PTPRD: variants seen among roughly 807,000 people sequenced by gnomAD.
The protein encoded by PTPRD is receptor-type tyrosine-protein phosphatase delta.
In PTPRD, 34 loss-of-function variants were observed where a neutral mutation model predicts 214.5. The observed-to-expected ratio is 0.16, with a 90% CI of 0.12 to 0.21. The LOEUF is 0.21. PTPRD is among the 10% of genes least tolerant of loss of function. The probability of loss-of-function intolerance (pLI) is 1.00; values close to 1 mark genes in which losing one functional copy is unlikely to be tolerated. For missense variants in PTPRD, 2,545 were observed against 2,398.7 expected (o/e 1.06, Z -1.27); for synonymous variants, 1,128 against 845.7 (o/e 1.33, Z -5.79).
In PTPRD at chr9:10,419,278, T is replaced by C. The variant is rs776231477; in HGVS notation, c.-599-78261A>G. 2.8e-4 allele frequency among the ~76,000 whole-genome samples: 42 copies of C among 152,034 alleles called. No homozygotes were observed. In the Middle Eastern group the frequency reaches 0.01, roughly 37 times the overall value. On this transcript the variant is annotated intron_variant, in intron 2 of 45. Coordinates refer to ENST00000381196, the MANE Select transcript of PTPRD (RefSeq NM_002839.4). Reference sequence around the variant, plus strand: ...ATGTGTCTTTTAAGCTTTCTGCTAGTTTCATTTCCGTAACACTGGACTCTA... The same window carrying C: ...ATGTGTCTTTTAAGCTTTCTGCTAGCTTCATTTCCGTAACACTGGACTCTA...
chr9:8,486,482 T>A (rs13292865), intron 27 of PTPRD, 133 bp from the exon 28 acceptor site: 1 of 815,890 alleles, frequency 1.2e-6, no homozygotes, highest in Non-Finnish European at 2.1e-6. Flanking sequence ...AAACAGGCAA[T>A]GTTTGACCTA....
chr9:8,564,569 G>C (rs1184652125), intron 14 of PTPRD, among the ~76,000 whole-genome samples: 9 of 152,138 alleles, frequency 5.9e-5, no homozygotes, highest in African/African-American at 2.2e-4. Context: ...AGATGTGGTA[G>C]TGCGTGCCTG....
intron 14 of PTPRD, among the ~76,000 whole-genome samples, chr9:8,544,322 T>A (rs1414829531): frequency 6.6e-6 from 1 of 151,414 alleles, no homozygotes; most frequent in African/African-American, 2.4e-5. Flanking sequence ...CCCTCAGTAA[T>A]CCGCCTGTAT....
intron 5 of PTPRD, among the ~76,000 whole-genome samples, chr9:9,889,088 G>A (rs1601037638): frequency 6.6e-6 from 1 of 152,126 alleles, no homozygotes; most frequent in Admixed American, 6.6e-5. Context: ...TAAGTAGAGA[G>A]TAGAATGATG....
chr9:9,931,367 G>A (rs570355776), intron 5 of PTPRD, among the ~76,000 whole-genome samples: 26 of 152,276 alleles, frequency 1.7e-4, no homozygotes, highest in South Asian at 8.3e-4. Context: ...CAGTGGGTGC[G>A]TGCACCGTGC....
chr9:8,328,496 G>C (rs189556424), intron 44 of PTPRD, among the ~76,000 whole-genome samples: 132 of 152,206 alleles, frequency 8.7e-4, no homozygotes, highest in African/African-American at 3.1e-3. Flanking sequence ...TTCATTGTGT[G>C]TCTTGGGGTT....
intron 30 of PTPRD, among the ~76,000 whole-genome samples, chr9:8,480,197 C>T (rs746922153): frequency 6.6e-6 from 1 of 152,108 alleles, no homozygotes; most frequent in Non-Finnish European, 1.5e-5. Context: ...TACAACGTGG[C>T]CAAACAACAA....
At chr9:10,126,286 C>T (rs1243816381) in intron 3 of PTPRD, among the ~76,000 whole-genome samples, 1 of 151,978 alleles carries the variant, frequency 6.6e-6, no homozygotes, top group African/African-American at 2.4e-5. Context: ...CGTATTGTAC[C>T]AGTTATAATT....
intron 2 of PTPRD, among the ~76,000 whole-genome samples, chr9:10,506,181 C>G (rs956545668): frequency 2.0e-5 from 3 of 151,798 alleles, no homozygotes; most frequent in African/African-American, 7.3e-5. Flanking sequence ...GAAATGGATA[C>G]TTTTAAAGCT....
At chr9:8,454,492 C>A in intron 33 of PTPRD, 1 of 1,421,816 alleles carries the variant, frequency 7.0e-7, no homozygotes. Flanking sequence ...TGTGTGCAGC[C>A]CCGCCCTCCC....
chr9:9,078,951 A>G (rs950003556), intron 10 of PTPRD, among the ~76,000 whole-genome samples: 6 of 152,110 alleles, frequency 3.9e-5, no homozygotes, highest in Non-Finnish European at 8.8e-5. Flanking sequence ...GAGTGATCAG[A>G]TCAGGGTAAT....
intron 8 of PTPRD, among the ~76,000 whole-genome samples, chr9:9,431,879 A>T (rs1010149399): frequency 2.4e-5 from 3 of 123,304 alleles, no homozygotes; most frequent in Admixed American, 9.7e-5. Context: ...CAGGATGGGG[A>T]ACATCACACA....
chr9:8,757,000 G>A (rs1183819154), intron 11 of PTPRD, among the ~76,000 whole-genome samples: 2 of 151,982 alleles, frequency 1.3e-5, no homozygotes, highest in Non-Finnish European at 2.9e-5. Flanking sequence ...AAATTAGCGG[G>A]GTATGGTGAT....
intron 9 of PTPRD, among the ~76,000 whole-genome samples, chr9:9,209,402 C>A (rs1288849838): frequency 6.6e-6 from 1 of 152,032 alleles, no homozygotes; most frequent in African/African-American, 2.4e-5. Context: ...TTGAGTTCAT[C>A]TGGATTCAGA....
chr9:9,966,177 C>G (rs562230682), intron 4 of PTPRD, among the ~76,000 whole-genome samples: 4 of 152,092 alleles, frequency 2.6e-5, no homozygotes, highest in Non-Finnish European at 5.9e-5. Flanking sequence ...TATTTGCACA[C>G]CTGGACAGAA....
chr9:8,552,611 G>A (rs564751586), intron 14 of PTPRD, among the ~76,000 whole-genome samples: 1 of 152,266 alleles, frequency 6.6e-6, no homozygotes, highest in East Asian at 1.9e-4. Context: ...CCAGCGACCA[G>A]ATCAGGTAGG....
chr9:10,269,154 T>G (rs1000357833), intron 3 of PTPRD, among the ~76,000 whole-genome samples: 1 of 151,978 alleles, frequency 6.6e-6, no homozygotes, highest in Non-Finnish European at 1.5e-5. Context: ...CCCCATACCT[T>G]GAACATACCA....
chr9:9,910,115 A>C (rs1008463788), intron 5 of PTPRD, among the ~76,000 whole-genome samples: 2 of 152,064 alleles, frequency 1.3e-5, no homozygotes, highest in East Asian at 3.9e-4. Flanking sequence ...CTCAGCTTTC[A>C]TATCTGTGAA....
At chr9:9,543,099 TACA>T (rs1275697508) in intron 8 of PTPRD, among the ~76,000 whole-genome samples, 1 of 151,666 alleles carries the variant, frequency 6.6e-6, no homozygotes, top group Non-Finnish European at 1.5e-5. Context: ...GGTATATTCA[TACA>T]ACGAAATACC....
Sources: gnomAD v4.1 joint callset for allele counts (sites outside exome capture counted in the v4.1 genomes callset) on GRCh38, gnomAD v4.1.1 for gene constraint, MANE v1.5 for transcripts, NCBI Gene and HGNC (gene_info 2026-07-23, HGNC 2026-07-21) for gene names.